CDC42SE2: variants seen among roughly 807,000 people sequenced by gnomAD.
CDC42SE2 encodes CDC42 small effector 2, also known as CDC42 small effector protein 2.
Under a neutral mutation model 11.5 loss-of-function variants are expected in CDC42SE2, and 3 were observed. The ratio of observed to expected loss-of-function variants is 0.26; its 90% CI spans 0.12 to 0.67. The LOEUF (loss-of-function observed/expected upper bound fraction) is 0.67, where lower values mean the gene tolerates loss of function less well. Ranked by LOEUF, CDC42SE2 falls within the 30% of genes least tolerant of loss-of-function variation. The pLI, the probability that CDC42SE2 is intolerant of heterozygous loss-of-function variation, is 0.80. For missense variants in CDC42SE2, 82 were observed against 106.8 expected, an observed-to-expected ratio of 0.77 and a Z score of 1.02; for synonymous variants, 33 against 34.8, an observed-to-expected ratio of 0.95 and a Z score of 0.18.
At chr5:131,300,625 T>C (rs1580739936) in intron 1 of CDC42SE2, among the ~76,000 whole-genome samples, 1 of 151,804 alleles carries the variant, frequency 6.6e-6, no homozygotes. Context: ...CTACTAAAAA[T>C]ACAAAAAATT....
intron 1 of CDC42SE2, among the ~76,000 whole-genome samples, chr5:131,309,047 G>A (rs1229353615): frequency 1.3e-5 from 2 of 151,602 alleles, no homozygotes; most frequent in Non-Finnish European, 2.9e-5. Context: ...AATGCTTCCA[G>A]TTTTTGCCCA....
At chr5:131,292,240 CAA>C (rs1202956370) in intron 1 of CDC42SE2, among the ~76,000 whole-genome samples, 23 of 25,612 alleles carry the variant, frequency 9.0e-4, no homozygotes, top group African/African-American at 2.3e-3. Flanking sequence ...TCTGTCTCAC[CAA>C]AAAAAAAAAA....
intron 2 of CDC42SE2, among the ~76,000 whole-genome samples, chr5:131,341,573 A>T (rs1038937516): frequency 3.9e-5 from 6 of 152,244 alleles, no homozygotes; most frequent in African/African-American, 1.4e-4. Context: ...CATGATTCAC[A>T]GAAACAGAAC....
chr5:131,252,988 G>A (rs2149683690), intron 1 of CDC42SE2: 1 of 152,216 alleles, frequency 6.6e-6, no homozygotes, highest in East Asian at 1.9e-4. Context: ...CTTCGCACAA[G>A]GGTAATGCTG....
chr5:131,238,909 G>C, the CDC42SE2 span, among the ~76,000 whole-genome samples: 1 of 151,970 alleles, frequency 6.6e-6, no homozygotes, highest in Non-Finnish European at 1.5e-5. Context: ...TGTAGTCCCA[G>C]CACTTTGGGA....
At chr5:131,249,136 G>T (rs1448341220) in intron 1 of CDC42SE2, among the ~76,000 whole-genome samples, 3 of 149,836 alleles carry the variant, frequency 2.0e-5, no homozygotes, top group African/African-American at 7.4e-5. Flanking sequence ...TCCTGCCTCA[G>T]CCTCCCGAGT....
upstream of CDC42SE2, among the ~76,000 whole-genome samples, chr5:131,242,581 A>C (rs1756548417): frequency 1.3e-5 from 2 of 152,118 alleles, no homozygotes; most frequent in Admixed American, 6.5e-5. Flanking sequence ...AAAATTATAT[A>C]ATTAAAAAAT....
At chr5:131,367,133 A>ATG (rs1749883539) in intron 3 of CDC42SE2, among the ~76,000 whole-genome samples, 1 of 151,566 alleles carries the variant, frequency 6.6e-6, no homozygotes, top group Non-Finnish European at 1.5e-5. Context: ...TCATATACAT[A>ATG]TGTGTGTATA....
chr5:131,233,979 A>T, the CDC42SE2 span, among the ~76,000 whole-genome samples: 1 of 152,156 alleles, frequency 6.6e-6, no homozygotes, highest in East Asian at 1.9e-4. Context: ...TCAGACCTCC[A>T]TCCCTACCTT....
At chr5:131,364,111 C>CA (rs1277277030) in intron 3 of CDC42SE2, among the ~76,000 whole-genome samples, 1 of 152,178 alleles carries the variant, frequency 6.6e-6, no homozygotes, top group Admixed American at 6.5e-5. Flanking sequence ...CAACAGATGT[C>CA]ATCTCTACCA....
At chr5:131,235,371 C>G in the CDC42SE2 span, among the ~76,000 whole-genome samples, 1 of 148,922 alleles carries the variant, frequency 6.7e-6, no homozygotes, top group African/African-American at 2.5e-5. Context: ...CTCACTGCAA[C>G]CTCTGCCTCC....
chr5:131,296,056 C>T (rs186225671), intron 1 of CDC42SE2, among the ~76,000 whole-genome samples: 33 of 152,226 alleles, frequency 2.2e-4, no homozygotes, highest in Middle Eastern at 3.4e-3. Context: ...ATATAAAATA[C>T]GAACACGACT....
At chr5:131,353,759 A>G (rs1157694459) in intron 2 of CDC42SE2, among the ~76,000 whole-genome samples, 1 of 151,962 alleles carries the variant, frequency 6.6e-6, no homozygotes, top group Non-Finnish European at 1.5e-5. Flanking sequence ...AAATACAAAA[A>G]TTAGCTGGGC....
chr5:131,339,599 G>T (rs1758661016), intron 2 of CDC42SE2, among the ~76,000 whole-genome samples: 1 of 151,986 alleles, frequency 6.6e-6, no homozygotes. Flanking sequence ...CTCAGGTCAG[G>T]AGTTTGAGAC....
At chr5:131,290,140 T>C (rs1757425991) in intron 1 of CDC42SE2, among the ~76,000 whole-genome samples, 1 of 152,078 alleles carries the variant, frequency 6.6e-6, no homozygotes, top group Non-Finnish European at 1.5e-5. Flanking sequence ...AGCTACTGTG[T>C]CTGGCCTTGA....
chr5:131,243,660 T>C (rs752112042), upstream of CDC42SE2, among the ~76,000 whole-genome samples: 10 of 152,248 alleles, frequency 6.6e-5, no homozygotes, highest in Non-Finnish European at 1.5e-4. Context: ...CTACAAATTA[T>C]GTAGCCAATC....
At chr5:131,341,690 G>C (rs1758715027) in intron 2 of CDC42SE2, among the ~76,000 whole-genome samples, 1 of 152,142 alleles carries the variant, frequency 6.6e-6, no homozygotes, top group Non-Finnish European at 1.5e-5. Context: ...GAAATTACAG[G>C]TGTTTTACAG....
intron 1 of CDC42SE2, among the ~76,000 whole-genome samples, chr5:131,305,863 T>G (rs961455934): frequency 1.3e-5 from 2 of 152,240 alleles, no homozygotes; most frequent in Non-Finnish European, 2.9e-5. Context: ...TCCTATGTTT[T>G]CTTCTAGTAG....
chr5:131,297,757 A>G (rs1164890480), intron 1 of CDC42SE2, among the ~76,000 whole-genome samples: 1 of 151,656 alleles, frequency 6.6e-6, no homozygotes, highest in Admixed American at 6.6e-5. Context: ...AAAATTAAAA[A>G]TTATAAAAAT....
Sources: allele counts gnomAD v4.1 joint callset (sites outside exome capture counted in the v4.1 genomes callset), GRCh38; gene constraint gnomAD v4.1.1; transcripts MANE v1.5; gene names NCBI Gene and HGNC (gene_info 2026-07-23, HGNC 2026-07-21).